The following MELTF variants were observed in gnomAD, a reference collection of about 807,000 sequenced individuals.
The protein encoded by MELTF is melanotransferrin.
In MELTF, 67 loss-of-function variants were observed where a neutral mutation model predicts 83.7. That is an observed-to-expected ratio of 0.80 (90% CI 0.66 to 0.98). The LOEUF is 0.98. MELTF is among the 50% of genes least tolerant of loss of function. The probability of loss-of-function intolerance (pLI) is 0.00; values close to 1 mark genes in which losing one functional copy is unlikely to be tolerated. For synonymous variants in MELTF, 462 were observed against 447.6 expected (o/e 1.03, Z -0.41); for missense variants, 1,002 against 1,035.6 (o/e 0.97, Z 0.44).
Position 197,002,963 on chromosome 3 carries a change from G to C in MELTF, c.*409C>G, listed in dbSNP as rs1240104438. Reference sequence around the variant, plus strand: ...GGGCCTCCTGGGACGGCCTGGCCGCGGCCTGCGGGTGTAGGCGCCTCGGCG... The same window carrying C: ...GGGCCTCCTGGGACGGCCTGGCCGCCGCCTGCGGGTGTAGGCGCCTCGGCG... On this transcript the variant is annotated 3_prime_UTR_variant, in exon 16 of 16. Transcript: ENST00000296350. 4 of 151,204 alleles carry C rather than the reference G, an allele frequency of 2.6e-5. No individual in the cohort carries two copies. Among genetic ancestry groups the C allele is most frequent in the Non-Finnish European group, 5.9e-5 (4 of 67,690 alleles). 9.4% of individuals were successfully genotyped at this position (151,204 alleles called of 1,614,324 possible).
rs867226547 is a variant in MELTF, at chr3:197,003,148, G to C, written c.*224C>G. The C allele has an allele frequency of 5.3e-5, 15 of 282,094 alleles. No individual in the cohort carries two copies. The South Asian group carries it at 2.0e-3, about 38-fold the overall frequency. The allele number at this position is 282,094 out of a possible 1,614,324, so 17.5% of individuals were successfully genotyped here. A position where few individuals can be genotyped will look rare whatever the true frequency, so the allele number is the denominator to read the frequency against. On this transcript the variant is annotated 3_prime_UTR_variant, in exon 16 of 16. Transcript: ENST00000296350. This position sits in a 1 kb window ranked among gnomAD's most constrained non-coding sequence, Gnocchi z 6.2. ...CTCCGGCGCGGCCCGCGCGGCTCCAGGTGGCGGGAGGCGGCGGTTGGCGGG... is the reference window on the plus strand; with the variant it reads ...CTCCGGCGCGGCCCGCGCGGCTCCACGTGGCGGGAGGCGGCGGTTGGCGGG...
At chr3:197,009,949 G>A (rs1490880960) in intron 10 of MELTF, 137 bp from the exon 11 acceptor site, 4 of 810,734 alleles carry the variant, frequency 4.9e-6, no homozygotes, top group Non-Finnish European at 7.7e-6. Flanking sequence ...CCAGGCCTGA[G>A]GCCAGGGTGT....
intron 6 of MELTF, chr3:197,019,763 C>T: frequency 1.3e-6 from 2 of 1,597,088 alleles, no homozygotes; most frequent in Non-Finnish European, 8.6e-7. Context: ...CCTTCTTCCT[C>T]CTCAGATCTG....
At chr3:197,019,740 T>C (rs1719544721) in intron 6 of MELTF, 1 of 1,610,546 alleles carries the variant, frequency 6.2e-7, no homozygotes, top group Non-Finnish European at 8.5e-7. Context: ...CTTCCTCGTG[T>C]GCAGGGCACT....
rs1719189000 is a variant in MELTF, at chr3:197,011,583, CAG to C, written c.1234-791_1234-790del. Among the ~76,000 whole-genome samples, 1 of 152,168 alleles carries C rather than the reference CAG, an allele frequency of 6.6e-6. No homozygotes were observed. Among genetic ancestry groups the C allele is most frequent in the African/African-American group, 2.4e-5 (1 of 41,454 alleles). ...GGCATGAAGTGATGGCGGTTAATAA[CAG>C]GCAGCGGCGTTGATATTTGGGGCCA... On this transcript the variant is annotated intron_variant, in intron 9 of 15. Transcript: ENST00000296350. The surrounding 1 kb of genome is among the most constrained non-coding windows in gnomAD (Gnocchi z 4.2).
Position 197,003,197 on chromosome 3 carries a change from G to A in MELTF, c.*175C>T. ...GGAAGGGCCGCGCGGGCCCGGGGGC[G>A]GCGCCTCAGGTAGCAGCGCCAGGTG... On this transcript the variant is annotated 3_prime_UTR_variant, in exon 16 of 16. Coordinates refer to ENST00000296350, the MANE Select transcript of MELTF (RefSeq NM_005929.6). The surrounding 1 kb of genome is among the most constrained non-coding windows in gnomAD (Gnocchi z 6.2). The A allele has an allele frequency of 4.5e-6, 3 of 665,124 alleles. No homozygotes were observed. The highest frequency in any genetic ancestry group is 5.6e-6 in the Non-Finnish European group (3 of 532,908). The allele number at this position is 665,124 out of a possible 1,614,324, so 41.2% of individuals were successfully genotyped here.
At chr3:197,019,752 G>A (rs754640494) in intron 6 of MELTF, 23 of 1,605,524 alleles carry the variant, frequency 1.4e-5, no homozygotes, top group East Asian at 6.7e-5. Flanking sequence ...CAGGGCACTC[G>A]CCTTCTTCCT....
At position 197,029,558 on chromosome 3, in the gene MELTF, C is replaced by T; in HGVS notation, c.49+96G>A. On this transcript the variant is annotated intron_variant, in intron 1 of 15. Coordinates refer to ENST00000296350, the MANE Select transcript of MELTF (RefSeq NM_005929.6). This position sits in a 1 kb window ranked among gnomAD's most constrained non-coding sequence, Gnocchi z 6.5. ...CCCCCGTCTCACTGCCCCGGAGCCGCAGGCTCAGGCACATTTCCAGCCCCG... is the reference window on the plus strand; with the variant it reads ...CCCCCGTCTCACTGCCCCGGAGCCGTAGGCTCAGGCACATTTCCAGCCCCG... 9.6e-7 allele frequency: 1 copy of T among 1,041,258 alleles called. No individual in the cohort carries two copies. The highest frequency in any genetic ancestry group is 1.2e-6 in the Non-Finnish European group (1 of 813,742). The allele number at this position is 1,041,258 out of a possible 1,614,324, so 64.5% of individuals were successfully genotyped here. A position where few individuals can be genotyped will look rare whatever the true frequency, so the allele number is the denominator to read the frequency against.
In MELTF at chr3:197,024,581, G is replaced by T; in HGVS notation, c.305-96C>A. 9.2e-7 allele frequency: 1 copy of T among 1,089,654 alleles called. No homozygotes were observed. The highest frequency in any genetic ancestry group is 1.3e-6 in the Non-Finnish European group (1 of 758,488). 67.5% of individuals were successfully genotyped at this position (1,089,654 alleles called of 1,614,324 possible). On this transcript the variant is annotated intron_variant, in intron 3 of 15. Coordinates refer to ENST00000296350, the MANE Select transcript of MELTF (RefSeq NM_005929.6). This position sits in a 1 kb window ranked among gnomAD's most constrained non-coding sequence, Gnocchi z 5.3. ...TGGGCGGGCTGTGGGAGAGGTGTGT[G>T]CACGGAGCACGGCTGTACACACGGA...
At chr3:197,012,018 G>C (rs1346708266) in intron 9 of MELTF, among the ~76,000 whole-genome samples, 1 of 152,186 alleles carries the variant, frequency 6.6e-6, no homozygotes, top group Non-Finnish European at 1.5e-5. Flanking sequence ...AGGAAATAAA[G>C]ACCCTCCCAA....
Position 197,017,214 on chromosome 3 carries a change from G to A in MELTF, c.789C>T (p.Ala263=), listed in dbSNP as rs370953797. The A allele has an allele frequency of 3.5e-5, 56 of 1,598,542 alleles. No homozygotes were observed. In the African/African-American group the frequency reaches 4.3e-4, roughly 12 times the overall value. Residue 263 remains alanine, a synonymous_variant, in exon 7 of 16, where the codon GCC becomes GCT. Coordinates refer to ENST00000296350, the MANE Select transcript of MELTF (RefSeq NM_005929.6). ...FELLCRDGSR[A]DVTEWRQCHL... is the part of the protein sequence containing the mutation. ...GGCACTGCCTCCACTCGGTGACATC[G>A]GCCCGGCTACCATCCCGGCACAGCA... is the stretch of plus-strand genomic sequence containing the variant.
In MELTF at chr3:197,019,680, G is replaced by A. The variant is rs376704790; in HGVS notation, c.712+1724C>T. The A allele has an allele frequency of 5.8e-5, 93 of 1,613,814 alleles. No homozygotes were observed. The Middle Eastern group carries it at 1.3e-3, about 23-fold the overall frequency. On this transcript the variant is annotated intron_variant, in intron 6 of 15. Transcript: ENST00000296350. ...CAGACTCGTCCTGGGGCCTGTGAAC[G>A]GGAGCCCATTTCCAGGCTTGCCCAG...
intron 10 of MELTF, 77 bp downstream of exon 10, chr3:197,010,621 T>G: frequency 7.8e-7 from 1 of 1,274,206 alleles, no homozygotes; most frequent in Non-Finnish European, 1.1e-6. Context: ...TGAAAATGGC[T>G]GAGGGGGGCA....
In MELTF at chr3:197,021,479, G is replaced by A. The variant is rs1212617271; in HGVS notation, c.645-8C>T. 1.9e-6 allele frequency: 3 copies of A among 1,613,258 alleles called. No homozygotes were observed. The highest frequency in any genetic ancestry group is 2.5e-6 in the Non-Finnish European group (3 of 1,179,800). ...GCCCCTTCCGCCAGGCACCTGCGGAGGAGAAGCTGTGGGTCTGGATGGGCT... is the reference window on the plus strand; with the variant it reads ...GCCCCTTCCGCCAGGCACCTGCGGAAGAGAAGCTGTGGGTCTGGATGGGCT... On this transcript the variant is annotated splice_region_variant and splice_polypyrimidine_tract_variant and intron_variant, in intron 5 of 15. Transcript: ENST00000296350.
At position 197,008,755 on chromosome 3, in the gene MELTF, C is replaced by T. The variant is rs1431465684; in HGVS notation, c.1683-31G>A. 1 of 1,613,820 alleles carries T rather than the reference C, an allele frequency of 6.2e-7. No individual in the cohort carries two copies. The highest frequency in any genetic ancestry group is 1.7e-5 in the Admixed American group (1 of 60,002). On this transcript the variant is annotated intron_variant, in intron 12 of 15. Transcript: ENST00000296350. This position sits in a 1 kb window ranked among gnomAD's most constrained non-coding sequence, Gnocchi z 5.4. Reference sequence around the variant, plus strand: ...ACACAGAGGGCAGGGCAGGCGTCGGCAGGAGGGTCCCAGCCTCTGCACACA... The same window carrying T: ...ACACAGAGGGCAGGGCAGGCGTCGGTAGGAGGGTCCCAGCCTCTGCACACA...
intron 6 of MELTF, among the ~76,000 whole-genome samples, chr3:197,017,651 G>A (rs1038810257): frequency 2.0e-5 from 3 of 152,218 alleles, no homozygotes; most frequent in Non-Finnish European, 4.4e-5. Flanking sequence ...GCCGAGGTGG[G>A]CGGATCACGA....
rs755033613 is a variant in MELTF at position 197,029,676 on chromosome 3, CCA to C, written c.25_26del (p.Trp9AlafsTer64). On this transcript the variant is annotated frameshift_variant, in exon 1 of 16. Transcript: ENST00000296350. LOFTEE classifies it high-confidence loss of function. The surrounding 1 kb of genome is among the most constrained non-coding windows in gnomAD (Gnocchi z 6.5). MRGPSGALWLLLALRTVLG... is the reference protein window; with the variant it reads MRGPSGALXLLLALRTVLG... ...CACCGGTGCGCAGAGCCAGGAGCAG[CCA>C]CAGAGCCCCGCTCGGACCCCGCATG... The C allele has an allele frequency of 2.4e-6, 3 of 1,246,882 alleles. No individual in the cohort carries two copies. The highest frequency in any genetic ancestry group is 3.1e-5 in the East Asian group (1 of 32,576). 77.2% of individuals were successfully genotyped at this position (1,246,882 alleles called of 1,614,324 possible). A position where few individuals can be genotyped will look rare whatever the true frequency, so the allele number is the denominator to read the frequency against.
At position 197,016,273 on chromosome 3, in the gene MELTF, C is replaced by A; in HGVS notation, c.997G>T (p.Val333Leu). 1 of 1,613,290 alleles carries A rather than the reference C, an allele frequency of 6.2e-7. No individual in the cohort carries two copies. The highest frequency in any genetic ancestry group is 8.5e-7 in the Non-Finnish European group (1 of 1,179,534). ...TCATAGGTCTGTGTGGCGATGGGCA[C>A]AAGCTCCGAGGTAGAGTCTTTGAAG... ...LLFKDSTSEL[V>L]PIATQTYEAW... Residue 333 changes from valine to leucine, a missense_variant, in exon 8 of 16, where the codon GTG becomes TTG. By Grantham distance (32) the Val-to-Leu change is conservative. Coordinates refer to ENST00000296350, the MANE Select transcript of MELTF (RefSeq NM_005929.6).
At chr3:197,026,467 G>A (rs1369880227) in intron 3 of MELTF, 193 bp downstream of exon 3, 2 of 592,888 alleles carry the variant, frequency 3.4e-6, no homozygotes, top group East Asian at 2.8e-5. Flanking sequence ...CAGACTTGGG[G>A]CAGCTCTCTG....
Sources: allele counts gnomAD v4.1 joint callset (sites outside exome capture counted in the v4.1 genomes callset), GRCh38; gene constraint gnomAD v4.1.1; non-coding constraint Gnocchi (gnomAD v3.1); transcripts MANE v1.5; gene names NCBI Gene and HGNC (gene_info 2026-07-23, HGNC 2026-07-21).